Variants in ELOVL4 observed in about 807,000 individuals in gnomAD.
The protein encoded by ELOVL4 is very long chain fatty acid elongase 4.
ELOVL4 carries 18 observed loss-of-function variants against 42.1 expected under a neutral mutation model. The observed-to-expected ratio is 0.43, with a 90% CI of 0.30 to 0.63. ELOVL4 has a LOEUF of 0.63. ELOVL4 is among the 30% of genes least tolerant of loss of function. ELOVL4 has a pLI of 0.15. For missense variants in ELOVL4, 299 were observed against 376.2 expected (o/e 0.79, Z 1.70); for synonymous variants, 117 against 127.0 (o/e 0.92, Z 0.53).
chr6:79,943,902 G>C (rs1381456768), intron 1 of ELOVL4, among the ~76,000 whole-genome samples: 1 of 152,110 alleles, frequency 6.6e-6, no homozygotes, highest in African/African-American at 2.4e-5. Flanking sequence ...CTACCAAGTA[G>C]ACAATTTTTT....
At chr6:79,938,554 C>CT (rs957589370) in intron 1 of ELOVL4, among the ~76,000 whole-genome samples, 13 of 152,188 alleles carry the variant, frequency 8.5e-5, no homozygotes, top group African/African-American at 3.1e-4. Flanking sequence ...TTTGAATACA[C>CT]TTTTTTTAAA....
intron 1 of ELOVL4, among the ~76,000 whole-genome samples, chr6:79,937,297 T>C (rs1250246431): frequency 1.3e-5 from 2 of 152,160 alleles, no homozygotes. Context: ...CATTGCAAGT[T>C]TGCCTGAATA....
In ELOVL4 at chr6:79,915,058, G is replaced by A. The variant is rs1476539535; in HGVS notation, c.*1550C>T. On this transcript the variant is annotated 3_prime_UTR_variant, in exon 6 of 6. Coordinates refer to ENST00000369816, the MANE Select transcript of ELOVL4 (RefSeq NM_022726.4). ...TTTAATTTTAATGCACAATAAATAT[G>A]TTATAGCTTACAAAATATTCTGAAA... is the stretch of plus-strand genomic sequence containing the variant. The A allele has an allele frequency of 1.3e-5, 2 of 152,506 alleles. No individual in the cohort carries two copies. The highest frequency in any genetic ancestry group is 4.8e-5 in the African/African-American group (2 of 41,448). The allele number at this position is 152,506 out of a possible 1,614,324, so 9.4% of individuals were successfully genotyped here. A position where few individuals can be genotyped will look rare whatever the true frequency, so the allele number is the denominator to read the frequency against.
chr6:79,920,192 C>CA (rs912276230), intron 4 of ELOVL4, among the ~76,000 whole-genome samples: 20 of 151,998 alleles, frequency 1.3e-4, no homozygotes, highest in Non-Finnish European at 2.6e-4. Context: ...ACTGGGCCCC[C>CA]AATAATATAT....
chr6:79,939,227 G>A (rs1248773939), intron 1 of ELOVL4, among the ~76,000 whole-genome samples: 2 of 152,218 alleles, frequency 1.3e-5, no homozygotes, highest in African/African-American at 4.8e-5. Context: ...GAGCACTAAA[G>A]AGATCATTTC....
At chr6:79,937,642 C>T (rs1774568431) in intron 1 of ELOVL4, among the ~76,000 whole-genome samples, 1 of 152,082 alleles carries the variant, frequency 6.6e-6, no homozygotes, top group South Asian at 2.1e-4. Flanking sequence ...TAAATGTTCA[C>T]TATTATTACT....
intron 1 of ELOVL4, among the ~76,000 whole-genome samples, chr6:79,927,927 A>T (rs1022094695): frequency 3.9e-5 from 6 of 152,194 alleles, no homozygotes; most frequent in Non-Finnish European, 7.4e-5. Context: ...CTTAAAAGAT[A>T]GCACGGCTGA....
chr6:79,935,326 A>G (rs1419201690), intron 1 of ELOVL4, among the ~76,000 whole-genome samples: 2 of 152,168 alleles, frequency 1.3e-5, no homozygotes, highest in Non-Finnish European at 2.9e-5. Context: ...TTCCCCAAGT[A>G]AGCTAAGCTA....
intron 5 of ELOVL4, among the ~76,000 whole-genome samples, chr6:79,917,506 G>A (rs781513239): frequency 3.3e-5 from 5 of 152,086 alleles, no homozygotes; most frequent in South Asian, 2.1e-4. Context: ...TTATTTGAAC[G>A]AACACTATCC....
chr6:79,924,127 T>C (rs1774305881), intron 3 of ELOVL4, among the ~76,000 whole-genome samples: 1 of 152,222 alleles, frequency 6.6e-6, no homozygotes, highest in Non-Finnish European at 1.5e-5. Flanking sequence ...ATTTTACTCA[T>C]GTAAGTGAAT....
At chr6:79,929,245 CTTTTT>C (rs1313543476) in intron 1 of ELOVL4, among the ~76,000 whole-genome samples, 1 of 151,840 alleles carries the variant, frequency 6.6e-6, no homozygotes, top group Admixed American at 6.6e-5. Context: ...CTTTTCTTTT[CTTTTT>C]TCTTTTTTGA....
chr6:79,942,395 C>T (rs1774662636), intron 1 of ELOVL4, among the ~76,000 whole-genome samples: 1 of 152,032 alleles, frequency 6.6e-6, no homozygotes, highest in Non-Finnish European at 1.5e-5. Flanking sequence ...ACGAAAAAAA[C>T]ATCTAAAGTG....
intron 1 of ELOVL4, among the ~76,000 whole-genome samples, chr6:79,946,508 C>T (rs893375500): frequency 6.6e-6 from 1 of 152,144 alleles, no homozygotes; most frequent in Non-Finnish European, 1.5e-5. Flanking sequence ...TTTTGGCCTC[C>T]CCCTCCCCCT....
In ELOVL4 at chr6:79,929,361, C is replaced by A. The variant is rs547605476; in HGVS notation, c.101-2980G>T. 8.2e-4 allele frequency among the ~76,000 whole-genome samples: 125 copies of A among 152,328 alleles called. 2 individuals are homozygous for A. The highest frequency in any genetic ancestry group is 3.8e-3 in the Admixed American group (58 of 15,298). ...GCTCAAGCCATCCTCCCACCTCAGA[C>A]TCCCAAGTAGCTGGTCCTACAGGCA... On this transcript the variant is annotated intron_variant, in intron 1 of 5. Coordinates refer to ENST00000369816, the MANE Select transcript of ELOVL4 (RefSeq NM_022726.4).
chr6:79,947,429 G>A lies in ELOVL4; in HGVS notation c.-150C>T, dbSNP rs1212049587. The A allele has an allele frequency of 4.5e-6, 3 of 665,222 alleles. No homozygotes were observed. Among genetic ancestry groups the A allele is most frequent in the Non-Finnish European group, 8.0e-6 (3 of 375,114 alleles). The allele number at this position is 665,222 out of a possible 1,614,324, so 41.2% of individuals were successfully genotyped here. On this transcript the variant is annotated 5_prime_UTR_variant, in exon 1 of 6. Transcript: ENST00000369816. The stretch of plus-strand genomic sequence containing the variant: ...GCTGCGTCTTCTCCTGCTCCTCAAG[G>A]CGCCGCGGCGGCGGGGATGCGGCAG...
intron 5 of ELOVL4, among the ~76,000 whole-genome samples, chr6:79,919,026 A>C (rs1774205366): frequency 6.6e-6 from 1 of 152,242 alleles, no homozygotes; most frequent in African/African-American, 2.4e-5. Flanking sequence ...ATTTTTAAGC[A>C]AGGACAAGAT....
chr6:79,930,316 T>G (rs1774422270), intron 1 of ELOVL4, among the ~76,000 whole-genome samples: 1 of 152,226 alleles, frequency 6.6e-6, no homozygotes, highest in African/African-American at 2.4e-5. Context: ...TTAGCCCTTC[T>G]AGTTCAGCAG....
At chr6:79,945,788 G>C (rs958036081) in intron 1 of ELOVL4, among the ~76,000 whole-genome samples, 9 of 147,246 alleles carry the variant, frequency 6.1e-5, no homozygotes, top group Non-Finnish European at 1.2e-4. Flanking sequence ...GTGTAATAGC[G>C]CATAGAAACA....
At chr6:79,944,289 T>C (rs1033047499) in intron 1 of ELOVL4, among the ~76,000 whole-genome samples, 1 of 152,146 alleles carries the variant, frequency 6.6e-6, no homozygotes, top group African/African-American at 2.4e-5. Flanking sequence ...ATAATTTAAA[T>C]GTACTCATGA....
Sources: allele counts gnomAD v4.1 joint callset (sites outside exome capture counted in the v4.1 genomes callset), GRCh38; gene constraint gnomAD v4.1.1; transcripts MANE v1.5; gene names NCBI Gene and HGNC (gene_info 2026-07-23, HGNC 2026-07-21).